Variants in SLC16A12 observed in about 807,000 individuals in gnomAD.
The protein encoded by SLC16A12 is solute carrier family 16 member 12, also known as monocarboxylate transporter 12.
Under a neutral mutation model 42.4 loss-of-function variants are expected in SLC16A12, and 17 were observed. That is an observed-to-expected ratio of 0.40 (90% CI 0.27 to 0.60). SLC16A12 has a LOEUF of 0.60. Ranked by LOEUF, SLC16A12 falls within the 20% of genes least tolerant of loss-of-function variation. SLC16A12 has a pLI of 0.42. For missense variants in SLC16A12, 544 were observed against 623.0 expected (o/e 0.87, Z 1.35); for synonymous variants, 224 against 229.4 (o/e 0.98, Z 0.21).
intron 2 of SLC16A12, among the ~76,000 whole-genome samples, chr10:89,464,716 G>A (rs1414071776): frequency 6.6e-6 from 1 of 152,178 alleles, no homozygotes; most frequent in Admixed American, 6.5e-5. Context: ...GTGCATCTTT[G>A]AAGCCACTGG....
At chr10:89,447,309 T>C (rs1268027852) in intron 3 of SLC16A12, among the ~76,000 whole-genome samples, 1 of 152,200 alleles carries the variant, frequency 6.6e-6, no homozygotes, top group Admixed American at 6.5e-5. Context: ...TATACATTCT[T>C]CTCAGTACCA....
At chr10:89,533,965 T>C (rs1015836663) in intron 2 of SLC16A12, among the ~76,000 whole-genome samples, 2 of 152,246 alleles carry the variant, frequency 1.3e-5, no homozygotes, top group Non-Finnish European at 2.9e-5. Context: ...TGAGAAGATC[T>C]GGATTCTAGT....
At chr10:89,475,149 C>T (rs1842558072) in intron 2 of SLC16A12, among the ~76,000 whole-genome samples, 1 of 152,230 alleles carries the variant, frequency 6.6e-6, no homozygotes, top group Non-Finnish European at 1.5e-5. Flanking sequence ...TCTGCCTCTA[C>T]CCCACCCCAG....
chr10:89,541,784 G>C (rs1422406534), intron 2 of SLC16A12, among the ~76,000 whole-genome samples: 1 of 152,134 alleles, frequency 6.6e-6, no homozygotes, highest in African/African-American at 2.4e-5. Context: ...TAATGCCCTA[G>C]TTGTGACAAT....
At chr10:89,442,907 A>G (rs1841936179) in intron 4 of SLC16A12, among the ~76,000 whole-genome samples, 1 of 152,216 alleles carries the variant, frequency 6.6e-6, no homozygotes, top group Non-Finnish European at 1.5e-5. Flanking sequence ...GCTTGAAGAG[A>G]TGAAAATTTC....
In SLC16A12 at chr10:89,526,027, G is replaced by T. The variant is rs920438364; in HGVS notation, c.-47+8474C>A. Among the ~76,000 whole-genome samples, 5 of 152,286 alleles carry T rather than the reference G, an allele frequency of 3.3e-5. No individual in the cohort carries two copies. The East Asian group carries it at 9.6e-4, about 29-fold the overall frequency. ...TCTCATTGTGCACTTCAACCTGCATGTAGAAGGGGCCCCAGTGATTTGTGC... is the reference window on the plus strand; with the variant it reads ...TCTCATTGTGCACTTCAACCTGCATTTAGAAGGGGCCCCAGTGATTTGTGC... On this transcript the variant is annotated intron_variant, in intron 2 of 7. Transcript: ENST00000371790.
chr10:89,449,562 A>G (rs1043134692), intron 3 of SLC16A12, among the ~76,000 whole-genome samples: 1 of 152,236 alleles, frequency 6.6e-6, no homozygotes, highest in African/African-American at 2.4e-5. Context: ...CATATGTAGA[A>G]AGCTGAAACT....
At chr10:89,493,959 T>C (rs1842884982) in intron 2 of SLC16A12, among the ~76,000 whole-genome samples, 1 of 149,220 alleles carries the variant, frequency 6.7e-6, no homozygotes, top group East Asian at 1.9e-4. Flanking sequence ...CCTGTGAAAT[T>C]GAAGGATTGT....
chr10:89,527,681 C>T (rs970669932), intron 2 of SLC16A12, among the ~76,000 whole-genome samples: 7 of 151,568 alleles, frequency 4.6e-5, no homozygotes, highest in South Asian at 2.1e-4. Context: ...GTGGTGCCCA[C>T]CTGTAGTTCC....
intron 2 of SLC16A12, among the ~76,000 whole-genome samples, chr10:89,472,524 G>A (rs191719394): frequency 0.029 from 2,802 of 96,720 alleles, 30 homozygotes; most frequent in Middle Eastern, 0.049. Flanking sequence ...ATGGAGTCTT[G>A]CTGTGTTGCC....
intron 2 of SLC16A12, among the ~76,000 whole-genome samples, chr10:89,473,489 T>G (rs945851410): frequency 2.0e-5 from 3 of 152,180 alleles, no homozygotes; most frequent in Non-Finnish European, 4.4e-5. Context: ...CTTTATAACT[T>G]GGGAATAGGC....
chr10:89,519,682 G>A (rs775310653), intron 2 of SLC16A12, among the ~76,000 whole-genome samples: 4 of 151,684 alleles, frequency 2.6e-5, no homozygotes, highest in African/African-American at 4.8e-5. Flanking sequence ...ATTTCCTCAA[G>A]ATCTAGTACA....
chr10:89,442,314 T>C (rs184754800), intron 4 of SLC16A12, among the ~76,000 whole-genome samples: 135 of 152,314 alleles, frequency 8.9e-4, no homozygotes, highest in African/African-American at 3.1e-3. Context: ...GGTAGGTATA[T>C]GGTAATTGTG....
chr10:89,515,099 AG>A (rs1843225441), intron 2 of SLC16A12, among the ~76,000 whole-genome samples: 1 of 139,542 alleles, frequency 7.2e-6, no homozygotes, highest in Non-Finnish European at 1.5e-5. Context: ...CTCAAAAAAA[AG>A]AAGCAAAACA....
chr10:89,479,511 A>G (rs1842631493), intron 2 of SLC16A12, among the ~76,000 whole-genome samples: 1 of 152,206 alleles, frequency 6.6e-6, no homozygotes, highest in African/African-American at 2.4e-5. Context: ...TCGTGCCTTA[A>G]CTATCAGTAT....
intron 3 of SLC16A12, 140 bp downstream of exon 3, chr10:89,462,239 A>C (rs1345999366): frequency 1.7e-6 from 2 of 1,168,098 alleles, no homozygotes; most frequent in African/African-American, 3.1e-5. Context: ...ATGATACCTG[A>C]AGAGTCAACG....
chr10:89,430,426 T>C lies in SLC16A12; in HGVS notation c.*2638A>G, dbSNP rs963298449. The C allele has an allele frequency of 5.3e-5, 16 of 301,258 alleles. No homozygotes were observed. The highest frequency in any genetic ancestry group is 2.7e-4 in the Admixed American group (5 of 18,578). 18.7% of individuals were successfully genotyped at this position (301,258 alleles called of 1,614,324 possible). ...CATACAGTGTATCTACAAAGTTAGA[T>C]AATGTCTTCTGATTTTCTACTCAGA... On this transcript the variant is annotated 3_prime_UTR_variant, in exon 8 of 8. Coordinates refer to ENST00000371790, the MANE Select transcript of SLC16A12 (RefSeq NM_213606.4).
At chr10:89,458,784 T>C (rs1842241865) in intron 3 of SLC16A12, among the ~76,000 whole-genome samples, 2 of 152,188 alleles carry the variant, frequency 1.3e-5, no homozygotes, top group Non-Finnish European at 2.9e-5. Flanking sequence ...ATACATCCAA[T>C]CATGAATTTC....
In SLC16A12 at chr10:89,441,232, G is replaced by A. The variant is rs781439605; in HGVS notation, c.324C>T (p.Val108=). The change falls in exon 5 of 8, where the codon GTC becomes GTT. Residue 108 remains valine (V), a synonymous_variant. Transcript: ENST00000371790. ...TMLCAPLGSV[V]SNHLSCQVGI... is the part of the protein sequence containing the mutation. ...CCACTTGACAGGATAAATGGTTACT[G>A]ACAACACTCCCAAGTGGAGCTTCAA... 14 of 1,614,030 alleles carry A rather than the reference G, an allele frequency of 8.7e-6. 1 individual carries two copies. The South Asian group carries it at 1.3e-4, about 15-fold the overall frequency.
Sources: allele counts gnomAD v4.1 joint callset (sites outside exome capture counted in the v4.1 genomes callset), GRCh38; gene constraint gnomAD v4.1.1; transcripts MANE v1.5; gene names NCBI Gene and HGNC (gene_info 2026-07-23, HGNC 2026-07-21).